Variants in LRCH2 observed in about 807,000 individuals in gnomAD.
LRCH2 encodes leucine-rich repeat and calponin homology domain-containing protein 2.
LRCH2 carries 38 observed loss-of-function variants against 68.9 expected under a neutral mutation model. The ratio of observed to expected loss-of-function variants is 0.55; its 90% CI spans 0.43 to 0.72. LRCH2 has a LOEUF of 0.72. Ranked by LOEUF, LRCH2 falls within the 30% of genes least tolerant of loss-of-function variation. The pLI is 0.00. For synonymous variants in LRCH2, 191 were observed against 208.1 expected (o/e 0.92, Z 0.71); for missense variants, 528 against 572.9 (o/e 0.92, Z 0.80).
intron 1 of LRCH2, among the ~76,000 whole-genome samples, chrX:115,227,979 T>G (rs2073129970): frequency 8.9e-6 from 1 of 112,063 alleles, no homozygotes; most frequent in South Asian, 3.7e-4. Context: ...AAACTTTTCC[T>G]CAAAGAATTT....
chrX:115,200,672 G>A (rs977506531), intron 1 of LRCH2, among the ~76,000 whole-genome samples: 2 of 110,048 alleles, frequency 1.8e-5, no homozygotes, highest in Admixed American at 9.7e-5. Flanking sequence ...CAAGCTCAGG[G>A]ATTGTTGAGG....
chrX:115,114,178 C>T (rs1261283203), intron 20 of LRCH2, among the ~76,000 whole-genome samples: 15 of 111,349 alleles, frequency 1.3e-4, no homozygotes, highest in Non-Finnish European at 2.5e-4. Flanking sequence ...TAGTAATACA[C>T]TATTCAATCT....
intron 3 of LRCH2, among the ~76,000 whole-genome samples, chrX:115,181,060 G>A (rs2072687876): frequency 9.0e-6 from 1 of 111,589 alleles, no homozygotes; most frequent in African/African-American, 3.3e-5. Flanking sequence ...AGTACTGTCA[G>A]AGCTAAAAGG....
chrX:115,156,301 T>C (rs925191412), intron 12 of LRCH2, among the ~76,000 whole-genome samples: 1 of 111,602 alleles, frequency 9.0e-6, no homozygotes, highest in African/African-American at 3.2e-5. Context: ...ACACAATCAA[T>C]GATAAAGAAA....
chrX:115,132,363 G>C (rs986692959), intron 14 of LRCH2, among the ~76,000 whole-genome samples: 2 of 111,162 alleles, frequency 1.8e-5, no homozygotes, highest in African/African-American at 3.3e-5. Flanking sequence ...TCTTGTTTTT[G>C]TCAGGTTTGT....
intron 3 of LRCH2, among the ~76,000 whole-genome samples, chrX:115,180,790 T>A (rs1299721206): frequency 8.9e-6 from 1 of 111,963 alleles, no homozygotes; most frequent in Non-Finnish European, 1.9e-5. Flanking sequence ...GCATCTTCAT[T>A]CAACAATAAA....
intron 1 of LRCH2, chrX:115,189,998 C>T (rs1385235583): frequency 6.0e-6 from 7 of 1,161,687 alleles, no homozygotes; most frequent in Non-Finnish European, 8.0e-6. Flanking sequence ...CCGACTGTGT[C>T]GGGGCAAGAT....
chrX:115,192,680 A>G (rs2072855064), intron 1 of LRCH2: 1 of 1,124,915 alleles, frequency 8.9e-7, no homozygotes, highest in Non-Finnish European at 1.2e-6. Context: ...ATTCCTTTTC[A>G]AAGAAACAAA....
chrX:115,169,917 G>A (rs1430920983), intron 6 of LRCH2, among the ~76,000 whole-genome samples: 1 of 110,875 alleles, frequency 9.0e-6, no homozygotes, highest in Non-Finnish European at 1.9e-5. Context: ...TATGATGAAA[G>A]GGAAAAGGTA....
intron 1 of LRCH2, among the ~76,000 whole-genome samples, chrX:115,196,629 C>T (rs1556563402): frequency 9.0e-6 from 1 of 111,519 alleles, no homozygotes; most frequent in Non-Finnish European, 1.9e-5. Context: ...TCAGCTGGCT[C>T]TTACCTGAAA....
At chrX:115,153,322 TA>T (rs782037989) in intron 12 of LRCH2, among the ~76,000 whole-genome samples, 34 of 101,808 alleles carry the variant, frequency 3.3e-4, no homozygotes, top group South Asian at 8.8e-4. Context: ...AGATCCTGTT[TA>T]AAAAAAAAAA....
rs145822118 is a variant in LRCH2, at chrX:115,197,675, C to T, written c.350-9305G>A. Among the ~76,000 whole-genome samples the T allele has an allele frequency of 9.3e-3, 1,011 of 108,728 alleles. 13 individuals carry two copies. The highest frequency in any genetic ancestry group is 0.032 in the African/African-American group (952 of 29,815). 94.4% of individuals were successfully genotyped at this position (108,728 alleles called of 115,157 possible). A position where few individuals can be genotyped will look rare whatever the true frequency, so the allele number is the denominator to read the frequency against. On this transcript the variant is annotated intron_variant, in intron 1 of 20. Transcript: ENST00000317135. ...GCTGAGGCAGGAGGATCACTTGAGTCCAAAAGTTTGAGGTCATACTGAGCT... is the reference window on the plus strand; with the variant it reads ...GCTGAGGCAGGAGGATCACTTGAGTTCAAAAGTTTGAGGTCATACTGAGCT...
At chrX:115,136,834 T>G (rs890206595) in intron 14 of LRCH2, among the ~76,000 whole-genome samples, 1 of 112,339 alleles carries the variant, frequency 8.9e-6, no homozygotes. Flanking sequence ...GTTTTTTGGA[T>G]GATTTACAGT....
chrX:115,138,495 A>G (rs2072309011), intron 14 of LRCH2, among the ~76,000 whole-genome samples: 1 of 111,367 alleles, frequency 9.0e-6, no homozygotes. Flanking sequence ...TTGTTAATCC[A>G]TCTTTTGTTA....
chrX:115,169,422 T>C (rs1372328890), intron 6 of LRCH2, among the ~76,000 whole-genome samples: 1 of 111,860 alleles, frequency 8.9e-6, no homozygotes, highest in Admixed American at 9.5e-5. Context: ...TTTGGAGCCT[T>C]GTTTGGTCTA....
chrX:115,166,189 G>T, intron 7 of LRCH2, 66 bp downstream of exon 7: 1 of 806,338 alleles, frequency 1.2e-6, no homozygotes, highest in Admixed American at 2.9e-5. Flanking sequence ...GTATGCACAA[G>T]GGTCTCTATT....
intron 14 of LRCH2, among the ~76,000 whole-genome samples, chrX:115,144,565 C>CAAAA (rs59018534): frequency 1.0e-5 from 1 of 96,050 alleles, no homozygotes; most frequent in African/African-American, 3.7e-5. Flanking sequence ...TAGACTCCAC[C>CAAAA]AAAAAAAAAA....
At chrX:115,182,780 C>T (rs1556553151) in intron 3 of LRCH2, among the ~76,000 whole-genome samples, 2 of 101,139 alleles carry the variant, frequency 2.0e-5, no homozygotes, top group Admixed American at 2.2e-4. Flanking sequence ...TTGCAGTGAG[C>T]CAAGATCGCA....
chrX:115,122,580 G>A lies in LRCH2; in HGVS notation c.2125C>T (p.Arg709Ter). 1 of 1,209,537 alleles carries A rather than the reference G, an allele frequency of 8.3e-7. No individual in the cohort carries two copies. Among genetic ancestry groups the A allele is most frequent in the Non-Finnish European group, 1.1e-6 (1 of 894,518 alleles). The part of the protein sequence containing the change: ...AVPKLSMAKC[R>*]RNVENFLDAC... Reference sequence around the variant, plus strand: ...TCAAGAAAATTTTCTACATTTCTTCGACATTTTGCCATGCTCAGTTTGGGC... The same window carrying A: ...TCAAGAAAATTTTCTACATTTCTTCAACATTTTGCCATGCTCAGTTTGGGC... The change falls in exon 20 of 21, where the codon CGA (arginine) becomes TGA (stop). Residue 709 changes from arginine (R) to a stop codon, truncating the protein, a stop_gained. Coordinates refer to ENST00000317135, the MANE Select transcript of LRCH2 (RefSeq NM_020871.4). LOFTEE classifies it high-confidence loss of function.
Sources: gnomAD v4.1 joint callset for allele counts (sites outside exome capture counted in the v4.1 genomes callset) on GRCh38, gnomAD v4.1.1 for gene constraint, MANE v1.5 for transcripts, NCBI Gene and HGNC (gene_info 2026-07-23, HGNC 2026-07-21) for gene names.